The following PCMTD1 variants were observed in gnomAD, a reference collection of about 807,000 sequenced individuals.
PCMTD1 encodes protein-L-isoaspartate (D-aspartate) O-methyltransferase domain containing 1.
PCMTD1 carries 12 observed loss-of-function variants against 37.6 expected under a neutral mutation model. The ratio of observed to expected loss-of-function variants is 0.32; its 90% CI spans 0.20 to 0.52. PCMTD1 has a LOEUF of 0.52. Ranked by LOEUF, PCMTD1 falls within the 20% of genes least tolerant of loss-of-function variation. PCMTD1 has a pLI of 0.97. For missense variants in PCMTD1, 235 were observed against 421.3 expected (o/e 0.56, Z 3.87); for synonymous variants, 117 against 135.8 (o/e 0.86, Z 0.96).
intron 5 of PCMTD1, among the ~76,000 whole-genome samples, chr8:51,821,973 G>C (rs896226077): frequency 6.6e-6 from 1 of 152,168 alleles, no homozygotes; most frequent in Non-Finnish European, 1.5e-5. Context: ...CTGACCTCGT[G>C]ATCCGCCCAC....
At chr8:51,867,222 A>AC (rs2038567539) in intron 1 of PCMTD1, among the ~76,000 whole-genome samples, 1 of 152,088 alleles carries the variant, frequency 6.6e-6, no homozygotes, top group African/African-American at 2.4e-5. Context: ...AGAAAAGAGA[A>AC]CCCTTGTGAA....
At chr8:51,861,352 A>G in intron 1 of PCMTD1, 106 bp from the exon 2 acceptor site, 1 of 814,546 alleles carries the variant, frequency 1.2e-6, no homozygotes. Context: ...TTCTCATGGA[A>G]ATATTCTGCT....
intron 1 of PCMTD1, among the ~76,000 whole-genome samples, chr8:51,891,339 C>T (rs191260177): frequency 6.6e-6 from 1 of 152,058 alleles, no homozygotes; most frequent in African/African-American, 2.4e-5. Flanking sequence ...GGCTTGAGCC[C>T]ATGACTTTGA....
intron 2 of PCMTD1, chr8:51,860,559 A>G: frequency 3.7e-6 from 1 of 268,050 alleles, no homozygotes; most frequent in Non-Finnish European, 7.1e-6. Context: ...TCTGAAATAG[A>G]TTAAATATTA....
chr8:51,862,453 TA>T (rs1270502653), intron 1 of PCMTD1, among the ~76,000 whole-genome samples: 1 of 152,002 alleles, frequency 6.6e-6, no homozygotes, highest in Non-Finnish European at 1.5e-5. Context: ...TTGAGAAAAC[TA>T]AAAAAATTTC....
chr8:51,870,557 A>G (rs1423427233), intron 1 of PCMTD1, among the ~76,000 whole-genome samples: 1 of 152,224 alleles, frequency 6.6e-6, no homozygotes, highest in African/African-American at 2.4e-5. Flanking sequence ...GATAACATAT[A>G]GCAGCAATTT....
intron 1 of PCMTD1, among the ~76,000 whole-genome samples, chr8:51,897,626 CTTAA>C (rs2039025578): frequency 6.6e-6 from 1 of 152,168 alleles, no homozygotes; most frequent in African/African-American, 2.4e-5. Flanking sequence ...TATTAATCTG[CTTAA>C]TACGAAAGTA....
chr8:51,851,108 G>A (rs2038300027), intron 2 of PCMTD1, among the ~76,000 whole-genome samples: 1 of 152,152 alleles, frequency 6.6e-6, no homozygotes, highest in Non-Finnish European at 1.5e-5. Context: ...TATATCACAT[G>A]GGGAAAAACA....
intron 1 of PCMTD1, among the ~76,000 whole-genome samples, chr8:51,863,158 A>C (rs976540639): frequency 6.6e-6 from 1 of 152,202 alleles, no homozygotes; most frequent in Non-Finnish European, 1.5e-5. Context: ...GTCAGTATCC[A>C]GTGTGGCATT....
chr8:51,869,164 G>A (rs529994905), intron 1 of PCMTD1, among the ~76,000 whole-genome samples: 5 of 152,248 alleles, frequency 3.3e-5, no homozygotes, highest in South Asian at 2.1e-4. Flanking sequence ...CGTCTGTAGT[G>A]AATACTGTGA....
chr8:51,875,437 G>T (rs936919230), intron 1 of PCMTD1, among the ~76,000 whole-genome samples: 4 of 151,950 alleles, frequency 2.6e-5, no homozygotes, highest in African/African-American at 7.3e-5. Context: ...AAATTCTACT[G>T]GTCACAATTC....
chr8:51,826,817 ATCTT>A lies in PCMTD1; in HGVS notation c.706+4623_706+4626del, dbSNP rs2037927628. ...TATGCCCCTGAACTTTAAACAATGC[ATCTT>A]TCTTTTTAGAATGTCTTCTCCTCAA... On this transcript the variant is annotated intron_variant, in intron 5 of 5. Transcript: ENST00000522514. The A allele has an allele frequency of 1.3e-5, 9 of 668,434 alleles. No individual in the cohort carries two copies. In the South Asian group the frequency reaches 4.1e-4, roughly 30 times the overall value. 41.4% of individuals were successfully genotyped at this position (668,434 alleles called of 1,614,324 possible).
intron 5 of PCMTD1, among the ~76,000 whole-genome samples, chr8:51,824,403 C>T (rs529574773): frequency 4.6e-5 from 7 of 152,248 alleles, no homozygotes; most frequent in Non-Finnish European, 7.4e-5. Context: ...ACATCAATAA[C>T]AGACAAACAG....
intron 1 of PCMTD1, among the ~76,000 whole-genome samples, chr8:51,868,618 C>G (rs1354082609): frequency 6.6e-6 from 1 of 151,788 alleles, no homozygotes; most frequent in Admixed American, 6.6e-5. Flanking sequence ...GGAAAATTTC[C>G]TAAGGAATAA....
chr8:51,869,573 T>A (rs577267068), intron 1 of PCMTD1, among the ~76,000 whole-genome samples: 1 of 152,126 alleles, frequency 6.6e-6, no homozygotes. Flanking sequence ...GTTACTTCAG[T>A]CACAATTTTT....
chr8:51,877,406 T>C (rs557427323), intron 1 of PCMTD1, among the ~76,000 whole-genome samples: 2 of 152,330 alleles, frequency 1.3e-5, no homozygotes, highest in Admixed American at 6.5e-5. Context: ...AAAACGCTTT[T>C]AAATAAAGAA....
At chr8:51,858,085 G>C (rs1308410915) in intron 2 of PCMTD1, among the ~76,000 whole-genome samples, 1 of 152,170 alleles carries the variant, frequency 6.6e-6, no homozygotes, top group Non-Finnish European at 1.5e-5. Flanking sequence ...TTTCTGGAGT[G>C]AAGTGGAAAT....
At chr8:51,872,286 C>A (rs2038650739) in intron 1 of PCMTD1, among the ~76,000 whole-genome samples, 1 of 152,166 alleles carries the variant, frequency 6.6e-6, no homozygotes, top group Admixed American at 6.5e-5. Context: ...CTGCCTATTA[C>A]CAACACCCTC....
At chr8:51,862,009 G>A (rs770167148) in intron 1 of PCMTD1, among the ~76,000 whole-genome samples, 1 of 152,070 alleles carries the variant, frequency 6.6e-6, no homozygotes, top group African/African-American at 2.4e-5. Flanking sequence ...CCACGTGCCC[G>A]ACCTCCATGC....
Sources: gnomAD v4.1 joint callset for allele counts (sites outside exome capture counted in the v4.1 genomes callset) on GRCh38, gnomAD v4.1.1 for gene constraint, MANE v1.5 for transcripts, NCBI Gene and HGNC (gene_info 2026-07-23, HGNC 2026-07-21) for gene names.